STXBP4: variants seen among roughly 807,000 people sequenced by gnomAD.
STXBP4 encodes syntaxin-binding protein 4.
In STXBP4, 55 loss-of-function variants were observed where a neutral mutation model predicts 76.1. The ratio of observed to expected loss-of-function variants is 0.72; its 90% CI spans 0.58 to 0.91. The LOEUF is 0.91. Among genes scored for constraint, STXBP4 ranks in the 40% least tolerant of loss-of-function variants. The pLI, the probability that STXBP4 is intolerant of heterozygous loss-of-function variation, is 0.00. For synonymous variants in STXBP4, 201 were observed against 220.2 expected (o/e 0.91, Z 0.77); for missense variants, 618 against 636.9 (o/e 0.97, Z 0.32).
intron 3 of STXBP4, among the ~76,000 whole-genome samples, chr17:54,988,945 G>A (rs1004317470): frequency 6.6e-6 from 1 of 152,030 alleles, no homozygotes; most frequent in Non-Finnish European, 1.5e-5. Flanking sequence ...TATATGGAGA[G>A]CAAAATAGTC....
intron 17 of STXBP4, among the ~76,000 whole-genome samples, chr17:55,142,942 T>C (rs974489570): frequency 7.9e-5 from 12 of 152,196 alleles, no homozygotes; most frequent in Non-Finnish European, 1.6e-4. Context: ...GCAGGATTAA[T>C]CATGTTTAGT....
intron 4 of STXBP4, among the ~76,000 whole-genome samples, chr17:54,998,511 CAGTT>C (rs984019662): frequency 1.3e-5 from 2 of 152,202 alleles, no homozygotes; most frequent in Non-Finnish European, 1.5e-5. Flanking sequence ...CTGTCTTACT[CAGTT>C]AGGCTAGCTG....
At position 54,986,233 on chromosome 17, in the gene STXBP4, C is replaced by A. The variant is rs1179194254; in HGVS notation, c.14C>A (p.Thr5Lys). Residue 5 changes from threonine to lysine, a missense_variant, in exon 3 of 18, where the codon ACA becomes AAA. Physicochemically the swap from Thr to Lys is moderately conservative, Grantham distance 78. Coordinates refer to ENST00000376352, the MANE Select transcript of STXBP4 (RefSeq NM_178509.6). ...TTTGGTGAAAGCATGAATAAAAATA[C>A]ATCTACTGTAGTATCACCCAGTCTA... MNKN[T>K]STVVSPSLLE... The A allele has an allele frequency of 7.5e-6, 12 of 1,603,088 alleles. No individual in the cohort carries two copies. Among genetic ancestry groups the A allele is most frequent in the Non-Finnish European group, 1.0e-5 (12 of 1,175,004 alleles).
intron 8 of STXBP4, among the ~76,000 whole-genome samples, chr17:55,026,392 T>C (rs1291056415): frequency 2.6e-5 from 4 of 152,188 alleles, no homozygotes; most frequent in African/African-American, 9.7e-5. Flanking sequence ...CCTGTCCTCC[T>C]TGGAAAGACA....
chr17:55,017,441 G>A (rs925824373), intron 8 of STXBP4, among the ~76,000 whole-genome samples: 7 of 152,172 alleles, frequency 4.6e-5, no homozygotes, highest in African/African-American at 9.7e-5. Context: ...ACGCAGCAGC[G>A]TAGAGCTTCC....
At chr17:55,041,127 A>T (rs192769572) in intron 10 of STXBP4, among the ~76,000 whole-genome samples, 5 of 151,718 alleles carry the variant, frequency 3.3e-5, no homozygotes, top group African/African-American at 9.7e-5. Flanking sequence ...CTTTACCTAC[A>T]TGGTGTTAAG....
At chr17:55,185,416 T>C in the STXBP4 span, among the ~76,000 whole-genome samples, 75 of 151,624 alleles carry the variant, frequency 4.9e-4, 1 homozygote, top group East Asian at 0.014. Flanking sequence ...TGGGGCATTA[T>C]GTGTGCAACT....
chr17:54,995,316 T>C (rs1277143193), intron 4 of STXBP4, among the ~76,000 whole-genome samples: 1 of 152,206 alleles, frequency 6.6e-6, no homozygotes, highest in East Asian at 1.9e-4. Flanking sequence ...GACAACACTT[T>C]AAAGTTCTCA....
intron 15 of STXBP4, among the ~76,000 whole-genome samples, chr17:55,079,357 A>G (rs1347472115): frequency 1.3e-5 from 2 of 152,178 alleles, no homozygotes; most frequent in Non-Finnish European, 2.9e-5. Context: ...CAAAAGAAAG[A>G]TTCTTGTTTA....
At chr17:55,020,592 C>T (rs781032203) in intron 8 of STXBP4, among the ~76,000 whole-genome samples, 13 of 152,004 alleles carry the variant, frequency 8.6e-5, no homozygotes, top group South Asian at 4.1e-4. Context: ...CCAAGGCAGG[C>T]GGATCACTTG....
chr17:55,194,353 G>GTA, the STXBP4 span, among the ~76,000 whole-genome samples: 131 of 151,786 alleles, frequency 8.6e-4, no homozygotes, highest in African/African-American at 2.9e-3. Context: ...TATGTGTTGT[G>GTA]TATATATATA....
At chr17:55,031,010 G>C in intron 8 of STXBP4, 158 bp from the exon 9 acceptor site, 1 of 529,946 alleles carries the variant, frequency 1.9e-6, no homozygotes, top group Non-Finnish European at 3.4e-6. Context: ...ATCTTCAATA[G>C]GCACTTAATC....
At chr17:55,046,185 C>A (rs1290106159) in intron 11 of STXBP4, among the ~76,000 whole-genome samples, 1 of 151,912 alleles carries the variant, frequency 6.6e-6, no homozygotes, top group African/African-American at 2.4e-5. Flanking sequence ...TACAAAAAAA[C>A]TAGGGCACAA....
At chr17:54,986,820 T>A (rs1407714953) in intron 3 of STXBP4, among the ~76,000 whole-genome samples, 2 of 152,192 alleles carry the variant, frequency 1.3e-5, no homozygotes, top group Non-Finnish European at 2.9e-5. Context: ...AAGCATTTAT[T>A]TTTTCTCATG....
intron 1 of STXBP4, among the ~76,000 whole-genome samples, chr17:54,972,579 A>T (rs1457801373): frequency 6.6e-6 from 1 of 152,174 alleles, no homozygotes; most frequent in African/African-American, 2.4e-5. Flanking sequence ...TGTTTCCATC[A>T]TTCTTTCATC....
intron 14 of STXBP4, 45 bp downstream of exon 14, chr17:55,078,239 G>T: frequency 1.7e-6 from 2 of 1,205,394 alleles, no homozygotes; most frequent in Non-Finnish European, 2.4e-6. Flanking sequence ...AAAATATATA[G>T]GCAACTGGCA....
intron 16 of STXBP4, among the ~76,000 whole-genome samples, chr17:55,090,026 C>A (rs1022196429): frequency 1.3e-5 from 2 of 152,062 alleles, no homozygotes; most frequent in African/African-American, 4.8e-5. Context: ...CCTGTTACTC[C>A]CACTGCTAAA....
At chr17:55,035,390 A>G (rs1353614720) in intron 10 of STXBP4, among the ~76,000 whole-genome samples, 6 of 151,894 alleles carry the variant, frequency 4.0e-5, no homozygotes, top group Non-Finnish European at 7.4e-5. Flanking sequence ...AAATTCATGC[A>G]TTATCCTTTT....
chr17:55,031,606 C>T (rs560811590), intron 9 of STXBP4, among the ~76,000 whole-genome samples: 5 of 152,044 alleles, frequency 3.3e-5, no homozygotes, highest in Non-Finnish European at 7.4e-5. Flanking sequence ...GAGATTAATT[C>T]GAATCCTTTT....
Sources: allele counts gnomAD v4.1 joint callset (sites outside exome capture counted in the v4.1 genomes callset), GRCh38; gene constraint gnomAD v4.1.1; transcripts MANE v1.5; gene names NCBI Gene and HGNC (gene_info 2026-07-23, HGNC 2026-07-21).